The following DDC variants were observed in gnomAD, a reference collection of about 807,000 sequenced individuals.
DDC encodes aromatic-L-amino-acid decarboxylase.
In DDC, 43 loss-of-function variants were observed where a neutral mutation model predicts 60.0. The ratio of observed to expected loss-of-function variants is 0.72; its 90% CI spans 0.56 to 0.92. The LOEUF (loss-of-function observed/expected upper bound fraction) is 0.92, where lower values mean the gene tolerates loss of function less well. Among genes scored for constraint, DDC ranks in the 40% least tolerant of loss-of-function variants. DDC has a pLI of 0.00. For missense variants in DDC, 573 were observed against 620.2 expected (o/e 0.92, Z 0.81); for synonymous variants, 232 against 234.6 (o/e 0.99, Z 0.10).
intron 9 of DDC, among the ~76,000 whole-genome samples, chr7:50,488,780 T>C (rs1249695728): frequency 6.6e-6 from 1 of 152,194 alleles, no homozygotes; most frequent in African/African-American, 2.4e-5. Context: ...TTATTCTTAA[T>C]AAAATTACAA....
chr7:50,544,009 C>T lies in DDC; in HGVS notation c.77G>A (p.Gly26Glu), dbSNP rs1303408405. The T allele has an allele frequency of 6.2e-7, 1 of 1,614,124 alleles. No individual in the cohort carries two copies. The highest frequency in any genetic ancestry group is 8.5e-7 in the Non-Finnish European group (1 of 1,179,962). ...CTCCACGTCAGGGTAGACCTGGCGT[C>T]CCTCAATGCCTTCCATGTAGTTGGC... is the stretch of plus-strand genomic sequence containing the variant. Reference protein sequence around the residue: ...YMANYMEGIEGRQVYPDVEPG... With the variant: ...YMANYMEGIEERQVYPDVEPG... Residue 26 changes from glycine to glutamate, a missense_variant, in exon 2 of 15, where the codon GGA becomes GAA. By Grantham distance (98) the Gly-to-Glu change is moderately conservative. Transcript: ENST00000444124.
intron 1 of DDC, among the ~76,000 whole-genome samples, chr7:50,557,910 C>T (rs1269908348): frequency 2.0e-5 from 3 of 152,180 alleles, no homozygotes; most frequent in Admixed American, 6.5e-5. Context: ...AAGCTTTGCT[C>T]CTTCATTCAC....
At chr7:50,487,247 T>C (rs932623926) in intron 9 of DDC, among the ~76,000 whole-genome samples, 2 of 152,158 alleles carry the variant, frequency 1.3e-5, no homozygotes, top group Non-Finnish European at 1.5e-5. Context: ...CATATAGTTT[T>C]AGTAATCTTT....
At chr7:50,530,239 AGT>A (rs2044161714) in intron 4 of DDC, among the ~76,000 whole-genome samples, 1 of 152,104 alleles carries the variant, frequency 6.6e-6, no homozygotes, top group Non-Finnish European at 1.5e-5. Context: ...TGGGCGACAG[AGT>A]GAGACCCAGT....
Position 50,499,175 on chromosome 7 carries a change from C to T in DDC, c.849G>A (p.Glu283=). ...AYAGSAFICP[E]FRHLLNGVEF... is the part of the protein sequence containing the mutation. ...CCACTCCATTCAGAAGGTGCCGGAA[C>T]TCAGGGCAGATGAATGCACTGCCTG... Residue 283 remains glutamate, a synonymous_variant, in exon 8 of 15, where the codon GAG becomes GAA. Transcript: ENST00000444124. 1.2e-6 allele frequency: 2 copies of T among 1,614,056 alleles called. No homozygotes were observed. Among genetic ancestry groups the T allele is most frequent in the Non-Finnish European group, 1.7e-6 (2 of 1,179,956 alleles).
At chr7:50,564,476 G>GC (rs1408162279) in intron 1 of DDC, 1 of 152,238 alleles carries the variant, frequency 6.6e-6, no homozygotes, top group Non-Finnish European at 1.5e-5. Context: ...GGTGAAGAAG[G>GC]CAAACCTTCT....
At chr7:50,521,265 A>C (rs972334015) in intron 6 of DDC, among the ~76,000 whole-genome samples, 3 of 152,132 alleles carry the variant, frequency 2.0e-5, no homozygotes, top group Non-Finnish European at 4.4e-5. Flanking sequence ...GAAAGAGATA[A>C]CCTCAATGGT....
chr7:50,545,403 G>T lies in DDC; in HGVS notation c.-28-1290C>A, dbSNP rs953579158. ...GGACAGTGAACAACACAAAGAAAAAGATAAGCCTAAAATCCCACAACCCAA... is the reference window on the plus strand; with the variant it reads ...GGACAGTGAACAACACAAAGAAAAATATAAGCCTAAAATCCCACAACCCAA... On this transcript the variant is annotated intron_variant, in intron 1 of 14. Coordinates refer to ENST00000444124, the MANE Select transcript of DDC (RefSeq NM_001082971.2). Among the ~76,000 whole-genome samples, 5 of 152,204 alleles carry T rather than the reference G, an allele frequency of 3.3e-5. No homozygotes were observed. The East Asian group carries it at 9.6e-4, about 29-fold the overall frequency.
chr7:50,516,153 T>C (rs2043722194), intron 6 of DDC, among the ~76,000 whole-genome samples: 1 of 152,148 alleles, frequency 6.6e-6, no homozygotes. Context: ...TGGAACTTTC[T>C]CCAAGATAGA....
intron 14 of DDC, among the ~76,000 whole-genome samples, chr7:50,459,964 A>G (rs56247779): frequency 0.24 from 29,194 of 123,208 alleles, 3,533 homozygotes; most frequent in Middle Eastern, 0.33. Context: ...CAGCCGCCCC[A>G]TCTGGGAGGT....
intron 1 of DDC, among the ~76,000 whole-genome samples, chr7:50,551,396 A>G (rs2044989366): frequency 6.6e-6 from 1 of 150,822 alleles, no homozygotes; most frequent in Non-Finnish European, 1.5e-5. Flanking sequence ...ATGCCCGGCT[A>G]TTTTTTTTGT....
At chr7:50,522,177 T>C (rs1443203998) in intron 6 of DDC, among the ~76,000 whole-genome samples, 1 of 140,916 alleles carries the variant, frequency 7.1e-6, no homozygotes, top group Non-Finnish European at 1.5e-5. Context: ...ATAAAAACCA[T>C]TCCCATTAGC....
rs761308447 is a variant in DDC at position 50,470,163 on chromosome 7, C to A, written c.1050G>T (p.Gln350His). The change falls in exon 12 of 15, where the codon CAG becomes CAT. Residue 350 changes from glutamine to histidine, a missense_variant. Physicochemically the swap from Gln to His is conservative, Grantham distance 24. Transcript: ENST00000444124. ...SGLITDYRHWQIPLGRRFRSL... is the reference protein window; with the variant it reads ...SGLITDYRHWHIPLGRRFRSL... ...AGCGAAATCTTCTGCCCAGTGGTAT[C>A]TGCCAATGCTGAAATGAAACATGAA... 1 of 1,607,890 alleles carries A rather than the reference C, an allele frequency of 6.2e-7. No homozygotes were observed. Among genetic ancestry groups the A allele is most frequent in the Non-Finnish European group, 8.5e-7 (1 of 1,174,420 alleles).
At chr7:50,525,248 A>G (rs1051432288) in intron 6 of DDC, among the ~76,000 whole-genome samples, 2 of 152,214 alleles carry the variant, frequency 1.3e-5, no homozygotes, top group African/African-American at 4.8e-5. Context: ...GTGGTGCTAG[A>G]GGATTTCAGT....
chr7:50,529,490 A>C, intron 4 of DDC, 148 bp from the exon 5 acceptor site: 1 of 943,402 alleles, frequency 1.1e-6, no homozygotes, highest in Non-Finnish European at 1.6e-6. Context: ...GCTTAGGAGA[A>C]AACTAATATT....
chr7:50,526,339 C>T (rs1201072629), intron 6 of DDC, among the ~76,000 whole-genome samples: 3 of 151,996 alleles, frequency 2.0e-5, no homozygotes, highest in Non-Finnish European at 2.9e-5. Context: ...GAATTCTATA[C>T]CCAGAAAAAA....
intron 1 of DDC, among the ~76,000 whole-genome samples, chr7:50,549,815 T>C (rs148090951): frequency 2.0e-5 from 3 of 152,192 alleles, no homozygotes; most frequent in Non-Finnish European, 2.9e-5. Context: ...AATAGAGAAC[T>C]AGAATTTTAA....
At chr7:50,552,565 T>C (rs2153553000) in intron 1 of DDC, among the ~76,000 whole-genome samples, 1 of 152,294 alleles carries the variant, frequency 6.6e-6, no homozygotes, top group Non-Finnish European at 1.5e-5. Flanking sequence ...CTGAACTCCC[T>C]CAGACCTCCT....
chr7:50,505,553 C>T (rs975644378), intron 6 of DDC, among the ~76,000 whole-genome samples: 2 of 152,218 alleles, frequency 1.3e-5, no homozygotes, highest in African/African-American at 2.4e-5. Flanking sequence ...CCTATGACTG[C>T]CTCGCATTTC....
Sources: allele counts gnomAD v4.1 joint callset (sites outside exome capture counted in the v4.1 genomes callset), GRCh38; gene constraint gnomAD v4.1.1; transcripts MANE v1.5; gene names NCBI Gene and HGNC (gene_info 2026-07-23, HGNC 2026-07-21).